MALAT1: variants seen among roughly 807,000 people sequenced by gnomAD.
MALAT1 encodes hepcarcin.
intron 1 of MALAT1, chr11:65,498,561 A>G (rs764908823): frequency 5.8e-6 from 3 of 518,620 alleles, no homozygotes; most frequent in African/African-American, 5.8e-5. Flanking sequence ...CAGGACTGCA[A>G]GCAGTTGGGG....
chr11:65,503,310 T>C, exon 3 of MALAT1: 2 of 518,508 alleles, frequency 3.9e-6, no homozygotes, highest in Non-Finnish European at 7.7e-6. Flanking sequence ...CTAGGGGATT[T>C]CAGGATTGAG....
At chr11:65,499,985 A>C (rs1444006682) in exon 3 of MALAT1, 2 of 426,520 alleles carry the variant, frequency 4.7e-6, no homozygotes, top group East Asian at 1.4e-4. Context: ...AATAGCACTG[A>C]AAAAATGAGG....
At chr11:65,504,878 A>G (rs1334787964) in intron 3 of MALAT1, 1 of 518,962 alleles carries the variant, frequency 1.9e-6, no homozygotes. Flanking sequence ...AGTAAGAAAA[A>G]ATAGCCTATT....
chr11:65,504,041 A>G (rs1188153619), intron 3 of MALAT1: 5 of 518,092 alleles, frequency 9.7e-6, no homozygotes, highest in Admixed American at 7.8e-5. Flanking sequence ...AATGCTTACA[A>G]TCTTAGAGTG....
At chr11:65,505,239 TC>T (rs1854655000) in intron 3 of MALAT1, 1 of 518,230 alleles carries the variant, frequency 1.9e-6, no homozygotes, top group Non-Finnish European at 3.9e-6. Flanking sequence ...CATGGAGCCT[TC>T]CTGTGGCAGG....
At chr11:65,504,110 T>C (rs770085813) in intron 3 of MALAT1, 11 of 516,346 alleles carry the variant, frequency 2.1e-5, no homozygotes, top group African/African-American at 1.2e-4. Context: ...GCCTGTGGGG[T>C]TTTAAAGAAT....
At chr11:65,505,999 C>A (rs948744993) in intron 3 of MALAT1, 1 of 463,510 alleles carries the variant, frequency 2.2e-6, no homozygotes, top group Non-Finnish European at 4.2e-6. Flanking sequence ...GGAAGCTGAT[C>A]TCCAATGCTC....
exon 3 of MALAT1, chr11:65,499,932 G>A: frequency 2.3e-6 from 1 of 433,992 alleles, no homozygotes; most frequent in Non-Finnish European, 4.5e-6. Context: ...AAGTATTGGA[G>A]AAGTATAGAA....
exon 3 of MALAT1, chr11:65,500,741 G>A (rs1469585115): frequency 1.9e-6 from 1 of 518,862 alleles, no homozygotes; most frequent in Non-Finnish European, 3.8e-6. Flanking sequence ...GTGTGCCAAG[G>A]CCACAGGGAA....
chr11:65,498,208 C>T (rs778078090), intron 1 of MALAT1: 1 of 518,816 alleles, frequency 1.9e-6, no homozygotes, highest in Non-Finnish European at 3.8e-6. Context: ...GGAGACAAAG[C>T]CATTCGCTTA....
chr11:65,498,338 G>A, intron 1 of MALAT1: 1 of 517,926 alleles, frequency 1.9e-6, no homozygotes. Context: ...GGCCGTGGGG[G>A]GCTGGCGGCA....
At chr11:65,501,417 T>C (rs765980117) in exon 3 of MALAT1, 1 of 517,634 alleles carries the variant, frequency 1.9e-6, no homozygotes, top group Non-Finnish European at 3.9e-6. Flanking sequence ...GTGGAAGAGA[T>C]GTCCATTGGA....
exon 3 of MALAT1, chr11:65,499,619 T>C: frequency 4.5e-6 from 2 of 445,924 alleles, no homozygotes; most frequent in Non-Finnish European, 8.9e-6. Flanking sequence ...TAATTGGGAG[T>C]GGTAGGATGA....
exon 3 of MALAT1, chr11:65,502,083 G>C (rs1854563289): frequency 1.9e-6 from 1 of 516,830 alleles, no homozygotes. Flanking sequence ...TGAGCCACTG[G>C]GTGTACCAGT....
intron 2 of MALAT1, chr11:65,498,964 C>T (rs748730476): frequency 3.9e-6 from 2 of 518,876 alleles, no homozygotes; most frequent in South Asian, 2.8e-5. Context: ...GCCTCCCTCA[C>T]AAAGGCGGCG....
exon 3 of MALAT1, chr11:65,502,619 CTTT>C (rs3842272): frequency 1.9e-5 from 8 of 410,572 alleles, no homozygotes; most frequent in African/African-American, 4.3e-5. Flanking sequence ...GGAGGGGAAA[CTTT>C]TTTTTTTTCT....
At chr11:65,501,941 C>T (rs1050601521) in exon 3 of MALAT1, 1 of 517,472 alleles carries the variant, frequency 1.9e-6, no homozygotes, top group Non-Finnish European at 3.9e-6. Flanking sequence ...TGCAGATAAA[C>T]TCATGCCAGA....
At chr11:65,503,418 A>C (rs1373843797) in exon 3 of MALAT1, 3 of 515,632 alleles carry the variant, frequency 5.8e-6, no homozygotes, top group African/African-American at 5.8e-5. Context: ...TGCATCTTTA[A>C]ATAATTTCTT....
intron 3 of MALAT1, chr11:65,506,170 C>T (rs2849035): frequency 2.1e-4 from 86 of 418,256 alleles, no homozygotes; most frequent in Non-Finnish European, 3.5e-4. Flanking sequence ...ATCCCTGCGG[C>T]GTCTTTGCTT....
Sources: gnomAD v4.1 joint callset for allele counts on GRCh38, gnomAD v4.1.1 for gene constraint, MANE v1.5 for transcripts, NCBI Gene and HGNC (gene_info 2026-07-23, HGNC 2026-07-21) for gene names.